The following SLC4A10 variants were observed in gnomAD, a reference collection of about 807,000 sequenced individuals.
SLC4A10 encodes the protein sodium-driven chloride bicarbonate exchanger.
SLC4A10 carries 42 observed loss-of-function variants against 137.7 expected under a neutral mutation model. That is an observed-to-expected ratio of 0.30 (90% CI 0.24 to 0.39). SLC4A10 has a LOEUF of 0.39. Among genes scored for constraint, SLC4A10 ranks in the 10% least tolerant of loss-of-function variants. SLC4A10 has a pLI of 1.00. For synonymous variants in SLC4A10, 474 were observed against 464.1 expected, an observed-to-expected ratio of 1.02 and a Z score of -0.27; for missense variants, 925 against 1,355.0, an observed-to-expected ratio of 0.68 and a Z score of 4.98.
At chr2:161,918,348 G>T (rs1687501338) in intron 15 of SLC4A10, among the ~76,000 whole-genome samples, 1 of 152,000 alleles carries the variant, frequency 6.6e-6, no homozygotes, top group Non-Finnish European at 1.5e-5. Flanking sequence ...TAGAGACAGG[G>T]TTTTACCATG....
chr2:161,859,111 C>A (rs1407420522), intron 5 of SLC4A10, among the ~76,000 whole-genome samples: 1 of 152,034 alleles, frequency 6.6e-6, no homozygotes, highest in Non-Finnish European at 1.5e-5. Flanking sequence ...GTTTTCAAAG[C>A]ATTGATATGA....
chr2:161,817,519 C>T (rs931793551), intron 3 of SLC4A10, among the ~76,000 whole-genome samples: 1 of 152,004 alleles, frequency 6.6e-6, no homozygotes, highest in Non-Finnish European at 1.5e-5. Context: ...CTTTTGTTGC[C>T]ATTGCTTTTG....
intron 3 of SLC4A10, among the ~76,000 whole-genome samples, chr2:161,812,936 C>T (rs1375753430): frequency 1.3e-5 from 2 of 151,980 alleles, no homozygotes; most frequent in African/African-American, 2.4e-5. Flanking sequence ...TCTGCATTTT[C>T]CTACTTTTAT....
At chr2:161,789,682 T>C (rs1218336903) in intron 2 of SLC4A10, among the ~76,000 whole-genome samples, 1 of 152,224 alleles carries the variant, frequency 6.6e-6, no homozygotes, top group Non-Finnish European at 1.5e-5. Context: ...CATCATTATG[T>C]ATGACTGTAC....
chr2:161,886,389 G>A (rs2062287028), intron 10 of SLC4A10, among the ~76,000 whole-genome samples: 5 of 151,946 alleles, frequency 3.3e-5, no homozygotes, highest in Admixed American at 6.6e-5. Context: ...TTTGAAGCAC[G>A]TACTTTTAAA....
chr2:161,817,342 G>T (rs1464333581), intron 3 of SLC4A10, among the ~76,000 whole-genome samples: 3 of 152,012 alleles, frequency 2.0e-5, no homozygotes, highest in Admixed American at 6.5e-5. Flanking sequence ...TTTTTTTCTT[G>T]TAAATTTGTT....
chr2:161,920,751 A>C (rs966654769), intron 15 of SLC4A10, among the ~76,000 whole-genome samples: 4 of 152,164 alleles, frequency 2.6e-5, no homozygotes, highest in African/African-American at 9.7e-5. Context: ...AACCTACAAA[A>C]CTCAGGAGTA....
At chr2:161,901,242 G>A in intron 12 of SLC4A10, 4 of 399,164 alleles carry the variant, frequency 1.0e-5, no homozygotes, top group South Asian at 3.6e-5. Flanking sequence ...CTTTCATTTT[G>A]CTGTGCATAA....
intron 1 of SLC4A10, among the ~76,000 whole-genome samples, chr2:161,700,843 A>G (rs1032899733): frequency 2.6e-5 from 4 of 152,062 alleles, no homozygotes; most frequent in Non-Finnish European, 4.4e-5. Flanking sequence ...TAGTGTCTAC[A>G]TTCTTATTCT....
At chr2:161,828,803 TA>T (rs2058218202) in intron 3 of SLC4A10, among the ~76,000 whole-genome samples, 4 of 121,028 alleles carry the variant, frequency 3.3e-5, no homozygotes, top group African/African-American at 1.2e-4. Flanking sequence ...TATATATATA[TA>T]TATATGTATA....
intron 1 of SLC4A10, among the ~76,000 whole-genome samples, chr2:161,690,077 C>T (rs146335888): frequency 6.6e-6 from 1 of 152,070 alleles, no homozygotes; most frequent in East Asian, 1.9e-4. Flanking sequence ...TATACAGAAT[C>T]TAGAAGGAAC....
At chr2:161,658,690 C>T (rs1440639447) in intron 1 of SLC4A10, among the ~76,000 whole-genome samples, 1 of 147,164 alleles carries the variant, frequency 6.8e-6, no homozygotes, top group Non-Finnish European at 1.5e-5. Flanking sequence ...GCCCCCTGGG[C>T]TCAAGCAATT....
intron 11 of SLC4A10, among the ~76,000 whole-genome samples, chr2:161,896,580 G>C (rs1657570107): frequency 6.6e-6 from 1 of 151,954 alleles, no homozygotes; most frequent in Non-Finnish European, 1.5e-5. Context: ...AACTTACAAG[G>C]GACGTGAAGG....
chr2:161,939,323 C>T (rs550634544), intron 15 of SLC4A10, among the ~76,000 whole-genome samples: 1 of 152,250 alleles, frequency 6.6e-6, no homozygotes, highest in East Asian at 1.9e-4. Context: ...GATCTGCCTG[C>T]CTCTGCCTCC....
intron 16 of SLC4A10, among the ~76,000 whole-genome samples, chr2:161,943,750 T>C (rs1693179790): frequency 6.6e-6 from 1 of 152,024 alleles, no homozygotes; most frequent in South Asian, 2.1e-4. Flanking sequence ...GCTCAAGTTT[T>C]ATTATGACTA....
chr2:161,797,927 C>T (rs2054951645), intron 2 of SLC4A10, among the ~76,000 whole-genome samples: 1 of 151,874 alleles, frequency 6.6e-6, no homozygotes, highest in Non-Finnish European at 1.5e-5. Context: ...GTCATGAAGC[C>T]TTTTGTTTTA....
At chr2:161,830,274 T>C (rs2058349045) in intron 3 of SLC4A10, among the ~76,000 whole-genome samples, 1 of 152,110 alleles carries the variant, frequency 6.6e-6, no homozygotes, top group Non-Finnish European at 1.5e-5. Context: ...ACTTTAAGAA[T>C]CTATTTTCCT....
chr2:161,874,441 G>C (rs2061339813), intron 8 of SLC4A10, among the ~76,000 whole-genome samples: 1 of 152,162 alleles, frequency 6.6e-6, no homozygotes, highest in Non-Finnish European at 1.5e-5. Context: ...TGCCTTTGCA[G>C]CCTTCAAGAA....
At chr2:161,647,924 G>A (rs927632287) in intron 1 of SLC4A10, among the ~76,000 whole-genome samples, 7 of 152,160 alleles carry the variant, frequency 4.6e-5, no homozygotes, top group African/African-American at 9.7e-5. Flanking sequence ...ATACCAACCC[G>A]ATTAAATGGC....
Sources: allele counts gnomAD v4.1 joint callset (sites outside exome capture counted in the v4.1 genomes callset), GRCh38; gene constraint gnomAD v4.1.1; transcripts MANE v1.5; gene names NCBI Gene and HGNC (gene_info 2026-07-23, HGNC 2026-07-21).